Variants in SH3D21 observed in about 807,000 individuals in gnomAD.
The protein encoded by SH3D21 is manchette microtubule inner protein 1.
A neutral mutation model predicts 82.1 loss-of-function variants in SH3D21; 83 were observed. The observed-to-expected ratio is 1.01, with a 90% CI of 0.85 to 1.21. The LOEUF is 1.21. SH3D21 is among the 50% of genes most tolerant of loss of function. The pLI is 0.00. For synonymous variants in SH3D21, 383 were observed against 387.8 expected, an observed-to-expected ratio of 0.99 and a Z score of 0.15; for missense variants, 980 against 962.1, an observed-to-expected ratio of 1.02 and a Z score of -0.25.
rs551428163 is a variant in SH3D21, at chr1:36,307,516, G to C, written c.346-1G>C. ...GCCTCTGCGTCCTCCCCTCTCCCCA[G>C]ATTGAGGACGGCTGGTGGCTGGGGA... On this transcript the variant is annotated splice_acceptor_variant, in intron 4 of 15. Transcript: ENST00000453908. LOFTEE classifies it high-confidence loss of function. The surrounding 1 kb of genome is among the most constrained non-coding windows in gnomAD (Gnocchi z 5.4). 78 of 1,551,664 alleles carry C rather than the reference G, an allele frequency of 5.0e-5. No individual in the cohort carries two copies. The highest frequency in any genetic ancestry group is 6.3e-5 in the Non-Finnish European group (72 of 1,146,946).
In SH3D21 at chr1:36,320,488, C is replaced by A; in HGVS notation, c.1825C>A (p.Gln609Lys). The A allele has an allele frequency of 6.2e-7, 1 of 1,614,064 alleles. No individual in the cohort carries two copies. The highest frequency in any genetic ancestry group is 8.5e-7 in the Non-Finnish European group (1 of 1,179,996). Residue 609 changes from glutamine to lysine, a missense_variant, in exon 14 of 16, where the codon CAG becomes AAG. Physicochemically the swap from Gln to Lys is moderately conservative, Grantham distance 53 (BLOSUM62 1). Transcript: ENST00000453908. ...TPEEEAPPNE[Q>K]RPLREEVLPK... ...TGAAGAGGAGGCGCCCCCCAACGAG[C>A]AGAGGCCTCTGAGAGAGGAGGTGCT...
At chr1:36,317,399 A>T (rs1421816107) in intron 10 of SH3D21, among the ~76,000 whole-genome samples, 1 of 152,200 alleles carries the variant, frequency 6.6e-6, no homozygotes, top group African/African-American at 2.4e-5. Context: ...GTGTGATTAT[A>T]TGTAGGAGTT....
At chr1:36,320,842 T>TAGCCCTCACCTGCGCAGCCCCTCACCTCC (rs753853307) in intron 14 of SH3D21, 44 bp downstream of exon 14, 1 of 1,550,174 alleles carries the variant, frequency 6.5e-7, no homozygotes, top group Admixed American at 2.0e-5. Flanking sequence ...GGGTTCCCCC[T>TAGCCCTCACCTGCGCAGCCCCTCACCTCC]AGCCCTCACC....
chr1:36,321,398 G>A (rs930803861), downstream of SH3D21: 4 of 1,314,934 alleles, frequency 3.0e-6, no homozygotes, highest in East Asian at 5.9e-5. This position sits in a 1 kb window ranked among gnomAD's most constrained non-coding sequence, Gnocchi z 6.1. Context: ...AGGGGCGGGG[G>A]AGGGTGTCTC....
Position 36,321,283 on chromosome 1 carries a change from G to A in SH3D21, c.*156G>A, listed in dbSNP as rs1385379540. The A allele has an allele frequency of 6.9e-7, 1 of 1,446,560 alleles. No homozygotes were observed. The highest frequency in any genetic ancestry group is 1.4e-5 in the African/African-American group (1 of 69,878). The allele number at this position is 1,446,560 out of a possible 1,614,324, so 89.6% of individuals were successfully genotyped here. A position where few individuals can be genotyped will look rare whatever the true frequency, so the allele number is the denominator to read the frequency against. ...GGGCCTGCGCGGGGGCAGGGCCTGG[G>A]CCTCCGCATTCCTGACGGTCCCTCC... On this transcript the variant is annotated 3_prime_UTR_variant, in exon 16 of 16. Transcript: ENST00000453908. This position sits in a 1 kb window ranked among gnomAD's most constrained non-coding sequence, Gnocchi z 6.1.
chr1:36,328,164 G>A, downstream of SH3D21: 1 of 456,464 alleles, frequency 2.2e-6, no homozygotes, highest in Non-Finnish European at 4.4e-6. Context: ...ATGAAACACA[G>A]GAAGGACAGG....
At chr1:36,312,897 A>G (rs1646268203) in intron 10 of SH3D21, among the ~76,000 whole-genome samples, 1 of 152,000 alleles carries the variant, frequency 6.6e-6, no homozygotes, top group Non-Finnish European at 1.5e-5. Flanking sequence ...TATTTTTAGT[A>G]GAGACAGGGT....
Position 36,320,740 on chromosome 1 carries a change from C to A in SH3D21, c.2077C>A (p.Leu693Met), listed in dbSNP as rs1488575106. The A allele has an allele frequency of 6.2e-7, 1 of 1,608,808 alleles. No homozygotes were observed. Among genetic ancestry groups the A allele is most frequent in the Non-Finnish European group, 8.5e-7 (1 of 1,177,392 alleles). Residue 693 changes from leucine (L) to methionine (M), a missense_variant, in exon 14 of 16, where the codon CTG (leucine) becomes ATG (methionine). Physicochemically the swap from Leu to Met is conservative, Grantham distance 15 (BLOSUM62 2). Coordinates refer to ENST00000453908, the MANE Select transcript of SH3D21 (RefSeq NM_001162530.2). ...GAATGAAGGAGTTGATGTAACGTCG[C>A]TGAGGGGCGAGGTGGAGTCTCTAAG... ...NKNEGVDVTS[L>M]RGEVESLRRA...
downstream of SH3D21, chr1:36,322,490 G>C (rs759849054): frequency 1.2e-6 from 2 of 1,603,476 alleles, no homozygotes; most frequent in Admixed American, 3.3e-5. Flanking sequence ...CCGGCTCTGC[G>C]GACAGCTCGG....
chr1:36,322,944 C>T (rs1202705703), downstream of SH3D21: 3 of 1,606,440 alleles, frequency 1.9e-6, no homozygotes, highest in African/African-American at 1.3e-5. Flanking sequence ...GGGTTCAGGC[C>T]CCCAGTCTTC....
At chr1:36,314,423 A>G (rs1042891681) in intron 10 of SH3D21, among the ~76,000 whole-genome samples, 3 of 150,078 alleles carry the variant, frequency 2.0e-5, no homozygotes, top group Admixed American at 2.0e-4. Context: ...AATCATATAT[A>G]TGCGTATATA....
downstream of SH3D21, among the ~76,000 whole-genome samples, chr1:36,326,962 A>T (rs1646551879): frequency 6.6e-6 from 1 of 152,176 alleles, no homozygotes; most frequent in Non-Finnish European, 1.5e-5. Flanking sequence ...ACCCCCAGGA[A>T]TCTGGCTGAA....
chr1:36,312,245 G>C (rs1646255976), intron 10 of SH3D21, among the ~76,000 whole-genome samples: 1 of 150,930 alleles, frequency 6.6e-6, no homozygotes, highest in Admixed American at 6.6e-5. Flanking sequence ...GGATGGTCTT[G>C]ATCTCCTGAC....
chr1:36,306,792 C>T lies in SH3D21; in HGVS notation c.162+37C>T, dbSNP rs545127636. On this transcript the variant is annotated intron_variant, in intron 2 of 15. Transcript: ENST00000453908. This position sits in a 1 kb window ranked among gnomAD's most constrained non-coding sequence, Gnocchi z 4.5. ...CCAGGGGCGGGCTGTGGGGTCTCAG[C>T]GCGCGCCCCCCGGGAGCTGAGAGCG... 1.5e-5 allele frequency: 20 copies of T among 1,291,090 alleles called. No individual in the cohort carries two copies. The highest frequency in any genetic ancestry group is 1.7e-5 in the Non-Finnish European group (17 of 987,628). 80.0% of individuals were successfully genotyped at this position (1,291,090 alleles called of 1,614,324 possible).
chr1:36,309,602 G>T lies in SH3D21; in HGVS notation c.769+12G>T. On this transcript the variant is annotated intron_variant, in intron 10 of 15. Coordinates refer to ENST00000453908, the MANE Select transcript of SH3D21 (RefSeq NM_001162530.2). ...ATCTCGGGAATCAGGTGAGTGCCCG[G>T]GGAGCCTGGGATTGGGGGGTGTTCT... 6.4e-7 allele frequency: 1 copy of T among 1,551,566 alleles called. No individual in the cohort carries two copies. The highest frequency in any genetic ancestry group is 8.7e-7 in the Non-Finnish European group (1 of 1,146,924).
downstream of SH3D21, chr1:36,323,115 C>A: frequency 1.4e-6 from 2 of 1,479,076 alleles, no homozygotes; most frequent in Non-Finnish European, 1.8e-6. Context: ...GGAGCCCACC[C>A]CGACCCCTTC....
chr1:36,322,164 A>G (rs1263180377), downstream of SH3D21: 4 of 1,354,636 alleles, frequency 3.0e-6, no homozygotes, highest in Non-Finnish European at 2.9e-6. Context: ...GGAGCCTCTC[A>G]GGGGGTGGCG....
chr1:36,321,324 A>G lies in SH3D21; in HGVS notation c.*197A>G, dbSNP rs911857152. ...CGGTCCCTCCCAGGCACATCTGGCC[A>G]ACATGTGGCTCCCATTACCGTTCCC... On this transcript the variant is annotated 3_prime_UTR_variant, in exon 16 of 16. Coordinates refer to ENST00000453908, the MANE Select transcript of SH3D21 (RefSeq NM_001162530.2). The surrounding 1 kb of genome is among the most constrained non-coding windows in gnomAD (Gnocchi z 6.1). 2 of 1,430,086 alleles carry G rather than the reference A, an allele frequency of 1.4e-6. No individual in the cohort carries two copies. 88.6% of individuals were successfully genotyped at this position (1,430,086 alleles called of 1,614,324 possible). A position where few individuals can be genotyped will look rare whatever the true frequency, so the allele number is the denominator to read the frequency against.
At position 36,308,374 on chromosome 1, in the gene SH3D21, G is replaced by A. The variant is rs554716775; in HGVS notation, c.640-15G>A. ...GGACCTGGCTCACCTCCCCACTGGC[G>A]TGTTTCTTTTCCAGACCACAGAGGA... On this transcript the variant is annotated splice_polypyrimidine_tract_variant and intron_variant, in intron 8 of 15. Coordinates refer to ENST00000453908, the MANE Select transcript of SH3D21 (RefSeq NM_001162530.2). 59 of 1,551,488 alleles carry A rather than the reference G, an allele frequency of 3.8e-5. No homozygotes were observed. The highest frequency in any genetic ancestry group is 4.6e-5 in the Non-Finnish European group (53 of 1,146,690).
Sources: allele counts gnomAD v4.1 joint callset (sites outside exome capture counted in the v4.1 genomes callset), GRCh38; gene constraint gnomAD v4.1.1; non-coding constraint Gnocchi (gnomAD v3.1); transcripts MANE v1.5; gene names NCBI Gene and HGNC (gene_info 2026-07-23, HGNC 2026-07-21).